The following DNAH7 variants were observed in gnomAD, a reference collection of about 807,000 sequenced individuals.
The protein encoded by DNAH7 is axonemal beta dynein heavy chain 7.
In DNAH7, 397 loss-of-function variants were observed where a neutral mutation model predicts 444.6. The ratio of observed to expected loss-of-function variants is 0.89; its 90% CI spans 0.82 to 0.97. The LOEUF (loss-of-function observed/expected upper bound fraction) is 0.97. Among genes scored for constraint, DNAH7 ranks in the 50% least tolerant of loss-of-function variants. The probability of loss-of-function intolerance (pLI) is 0.00; values close to 1 mark genes in which losing one functional copy is unlikely to be tolerated. For synonymous variants in DNAH7, 1,636 were observed against 1,624.4 expected, an observed-to-expected ratio of 1.01 and a Z score of -0.17; for missense variants, 4,902 against 4,800.8, an observed-to-expected ratio of 1.02 and a Z score of -0.62.
At chr2:196,010,419 G>C (rs1447748484) in intron 10 of DNAH7, among the ~76,000 whole-genome samples, 1 of 152,088 alleles carries the variant, frequency 6.6e-6, no homozygotes, top group Non-Finnish European at 1.5e-5. Context: ...AGTGCTGGGA[G>C]TGATAGGTGT....
At chr2:195,787,686 G>C (rs1425298212) in intron 57 of DNAH7, among the ~76,000 whole-genome samples, 1 of 152,188 alleles carries the variant, frequency 6.6e-6, no homozygotes, top group African/African-American at 2.4e-5. Context: ...CCCCAGTAGG[G>C]AGGGTTGTGT....
Position 196,012,752 on chromosome 2 carries a change from C to T in DNAH7, c.989+35G>A, listed in dbSNP as rs749876153. The T allele has an allele frequency of 5.6e-6, 9 of 1,593,484 alleles. 1 individual carries two copies. The highest frequency in any genetic ancestry group is 4.6e-5 in the East Asian group (2 of 43,786). On this transcript the variant is annotated intron_variant, in intron 10 of 64. Coordinates refer to ENST00000312428, the MANE Select transcript of DNAH7 (RefSeq NM_018897.3). ...AGTAGCCCACAATCATATTTTTAAA[C>T]TTATGCTTTCCTACATGAAATTTCA...
chr2:195,976,924 G>T (rs553238906), intron 15 of DNAH7, among the ~76,000 whole-genome samples: 1 of 152,152 alleles, frequency 6.6e-6, no homozygotes, highest in Non-Finnish European at 1.5e-5. Flanking sequence ...AGTGTTACTG[G>T]GCTTGGGGTA....
rs545585624 is a variant in DNAH7 at position 195,791,375 on chromosome 2, G to GAA, written c.10716+2961_10716+2962dup. Among the ~76,000 whole-genome samples, 291 of 101,556 alleles carry GAA rather than the reference G, an allele frequency of 2.9e-3. 2 individuals are homozygous for GAA. The highest frequency in any genetic ancestry group is 9.5e-3 in the African/African-American group (258 of 27,218). The allele number at this position is 101,556 out of a possible 152,430, so 66.6% of individuals were successfully genotyped here. A position where few individuals can be genotyped will look rare whatever the true frequency, so the allele number is the denominator to read the frequency against. ...CCAGCTACTCGGGAGGCTGAAGCAG[G>GAA]AAAAAAAAAAAAAAAAAAAGTCAAA... On this transcript the variant is annotated intron_variant, in intron 57 of 64. Transcript: ENST00000312428.
rs527680485 is a variant in DNAH7 at position 195,984,724 on chromosome 2, T to G, written c.1755-14A>C. 3 of 1,611,188 alleles carry G rather than the reference T, an allele frequency of 1.9e-6. No individual in the cohort carries two copies. Among genetic ancestry groups the G allele is most frequent in the Non-Finnish European group, 2.5e-6 (3 of 1,177,716 alleles). Reference sequence around the variant, plus strand: ...TCATCGCATAATCTGAAACACCAAGTAAAACCAATCTTACATATTTACAGT... The same window carrying G: ...TCATCGCATAATCTGAAACACCAAGGAAAACCAATCTTACATATTTACAGT... On this transcript the variant is annotated splice_polypyrimidine_tract_variant and intron_variant, in intron 14 of 64. Coordinates refer to ENST00000312428, the MANE Select transcript of DNAH7 (RefSeq NM_018897.3).
intron 24 of DNAH7, among the ~76,000 whole-genome samples, chr2:195,913,564 A>G (rs1312182531): frequency 6.6e-6 from 1 of 152,248 alleles, no homozygotes; most frequent in East Asian, 1.9e-4. Flanking sequence ...TAGTTTATGA[A>G]TCACATTAAA....
intron 1 of DNAH7, among the ~76,000 whole-genome samples, chr2:196,058,824 TAACA>T (rs1422083369): frequency 6.6e-6 from 1 of 152,132 alleles, no homozygotes; most frequent in Non-Finnish European, 1.5e-5. Context: ...TTGTAGAAAT[TAACA>T]AATTGATCAT....
At chr2:195,824,953 T>C (rs954633001) in intron 48 of DNAH7, 1 of 152,594 alleles carries the variant, frequency 6.6e-6, no homozygotes, top group Non-Finnish European at 1.5e-5. Context: ...ATTTTAATAA[T>C]TGACTCACAC....
At chr2:195,838,244 A>G (rs1299084927) in intron 47 of DNAH7, among the ~76,000 whole-genome samples, 2 of 152,168 alleles carry the variant, frequency 1.3e-5, no homozygotes, top group South Asian at 2.1e-4. Context: ...CAAAAAATCA[A>G]TCTTATCCAG....
chr2:195,924,593 C>CA (rs1276051887), intron 22 of DNAH7, among the ~76,000 whole-genome samples: 1,392 of 120,610 alleles, frequency 0.012, 7 homozygotes, highest in Middle Eastern at 0.021. Flanking sequence ...GACTCCATCA[C>CA]AAAAAAAAAA....
chr2:195,762,780 T>C (rs768894227), intron 61 of DNAH7, among the ~76,000 whole-genome samples: 3 of 152,122 alleles, frequency 2.0e-5, no homozygotes, highest in Non-Finnish European at 4.4e-5. Flanking sequence ...AAATAGTAGC[T>C]GGAGACTTCA....
intron 41 of DNAH7, among the ~76,000 whole-genome samples, 172 bp downstream of exon 41, chr2:195,863,977 A>G (rs1163102797): frequency 1.3e-5 from 2 of 152,232 alleles, no homozygotes; most frequent in East Asian, 3.8e-4. Context: ...CTTAATAAAT[A>G]CTTTTCTATT....
At chr2:195,789,533 T>C (rs1261613594) in intron 57 of DNAH7, among the ~76,000 whole-genome samples, 1 of 152,146 alleles carries the variant, frequency 6.6e-6, no homozygotes, top group Non-Finnish European at 1.5e-5. Flanking sequence ...GAATGGGATA[T>C]TTTCATGGTG....
chr2:196,031,380 A>T (rs1696047509), intron 5 of DNAH7, among the ~76,000 whole-genome samples: 1 of 152,216 alleles, frequency 6.6e-6, no homozygotes, highest in African/African-American at 2.4e-5. Context: ...GGCTGCCGTG[A>T]AGACCTCTGA....
chr2:195,994,317 C>T, intron 12 of DNAH7: 1 of 537,642 alleles, frequency 1.9e-6, no homozygotes, highest in Non-Finnish European at 3.3e-6. Context: ...ATCACTGATG[C>T]CTTCCTCCTC....
chr2:195,762,360 G>C (rs922742660), intron 61 of DNAH7, among the ~76,000 whole-genome samples: 1 of 152,122 alleles, frequency 6.6e-6, no homozygotes, highest in Non-Finnish European at 1.5e-5. Flanking sequence ...AAAATGGCGG[G>C]AGTAAGTACT....
intron 15 of DNAH7, among the ~76,000 whole-genome samples, chr2:195,982,586 C>A (rs114884815): frequency 0.016 from 2,373 of 152,248 alleles, 57 homozygotes; most frequent in African/African-American, 0.054. Context: ...ATGTAAGTGT[C>A]CATCAACAGA....
At chr2:195,902,767 T>A (rs1686785918) in intron 27 of DNAH7, 1 of 152,140 alleles carries the variant, frequency 6.6e-6, no homozygotes, top group African/African-American at 2.4e-5. Context: ...TTAGGAGTCC[T>A]CCACCAACGA....
intron 10 of DNAH7, among the ~76,000 whole-genome samples, chr2:196,009,197 AAT>A (rs1694573722): frequency 6.6e-6 from 1 of 152,180 alleles, no homozygotes; most frequent in Admixed American, 6.5e-5. Flanking sequence ...ATTACGTTTC[AAT>A]ATGAGATTTG....
Sources: gnomAD v4.1 joint callset for allele counts (sites outside exome capture counted in the v4.1 genomes callset) on GRCh38, gnomAD v4.1.1 for gene constraint, MANE v1.5 for transcripts, NCBI Gene and HGNC (gene_info 2026-07-23, HGNC 2026-07-21) for gene names.